C3orf22: variants seen among roughly 807,000 people sequenced by gnomAD.
The protein encoded by C3orf22 is uncharacterized protein C3orf22.
C3orf22 carries 7 observed loss-of-function variants against 10.8 expected under a neutral mutation model. The ratio of observed to expected loss-of-function variants is 0.65; its 90% CI spans 0.37 to 1.22. C3orf22 has a LOEUF of 1.22. C3orf22 is among the 50% of genes most tolerant of loss of function. The pLI is 0.02. For missense variants in C3orf22, 173 were observed against 177.0 expected, an observed-to-expected ratio of 0.98 and a Z score of 0.13; for synonymous variants, 79 against 78.9, an observed-to-expected ratio of 1.00 and a Z score of 0.00.
chr3:126,527,966 C>T (rs565918481), intron 5 of C3orf22: 1 of 152,110 alleles, frequency 6.6e-6, no homozygotes, highest in East Asian at 1.9e-4. Flanking sequence ...GCTGAAACCC[C>T]AAATCCTTTT....
intron 2 of C3orf22, 81 bp from the exon 3 acceptor site, chr3:126,552,203 T>A: frequency 6.3e-7 from 1 of 1,599,284 alleles, no homozygotes; most frequent in East Asian, 2.2e-5. Flanking sequence ...GAACTTTCCA[T>A]CTGCTAGGCA....
intron 4 of C3orf22, among the ~76,000 whole-genome samples, chr3:126,529,778 C>T (rs1008643842): frequency 6.6e-6 from 1 of 152,186 alleles, no homozygotes; most frequent in Non-Finnish European, 1.5e-5. Context: ...ATCCTGTCCC[C>T]CTTCTCTCCC....
chr3:126,553,485 A>C, intron 1 of C3orf22, 55 bp from the exon 2 acceptor site: 1 of 1,155,358 alleles, frequency 8.7e-7, no homozygotes, highest in Non-Finnish European at 1.3e-6. Flanking sequence ...GGCAGAAGGC[A>C]GAGTGATGAG....
chr3:126,546,218 G>A (rs1576241987), downstream of C3orf22, among the ~76,000 whole-genome samples: 1 of 152,210 alleles, frequency 6.6e-6, no homozygotes, highest in East Asian at 1.9e-4. Context: ...GGCTGGGTGT[G>A]CAGGAGTTAG....
At chr3:126,547,394 G>A (rs180901772), downstream of C3orf22, among the ~76,000 whole-genome samples, 11 of 152,196 alleles carry the variant, frequency 7.2e-5, no homozygotes, top group Non-Finnish European at 5.9e-5. Context: ...GGAATAACAT[G>A]CACATAAACC....
rs111508557 is a variant in C3orf22 at position 126,552,895 on chromosome 3, G to A, written c.89+407C>T. On this transcript the variant is annotated intron_variant, in intron 2 of 3. Coordinates refer to ENST00000318225, the MANE Select transcript of C3orf22 (RefSeq NM_152533.3). ...CCGTGGCTCTGTCCTTATGTGAAGT[G>A]CCCTGTGGAGACTTGGCCCAGGCCC... 3.3e-3 allele frequency among the ~76,000 whole-genome samples: 502 copies of A among 152,360 alleles called. 5 individuals carry two copies. The highest frequency in any genetic ancestry group is 0.011 in the African/African-American group (475 of 41,602).
intron 4 of C3orf22, chr3:126,529,464 G>T: frequency 8.9e-7 from 1 of 1,120,032 alleles, no homozygotes; most frequent in African/African-American, 1.6e-5. Flanking sequence ...TGCTGGCACC[G>T]GTGGCCTGGG....
rs1332450977 is a variant in C3orf22, at chr3:126,531,959, G to A, written c.287-2587C>T. On this transcript the variant is annotated intron_variant and NMD_transcript_variant, in intron 4 of 5. Coordinates refer to the C3orf22 transcript ENST00000505070. ...AGGGCTCCAATTTCTCCACATCCTT[G>A]TTATTTACTGTCTTTTTAAATAACC... Among the ~76,000 whole-genome samples the A allele has an allele frequency of 2.0e-5, 3 of 152,174 alleles. 1 individual carries two copies. In the South Asian group the frequency reaches 6.2e-4, roughly 32 times the overall value.
At chr3:126,529,269 C>A (rs1005031421) in exon 5 of C3orf22, 1 of 1,242,648 alleles carries the variant, frequency 8.0e-7, no homozygotes, top group African/African-American at 1.5e-5. Context: ...ATGACGTGTG[C>A]GGGTGTCCTG....
chr3:126,529,153 G>T, exon 5 of C3orf22: 1 of 493,124 alleles, frequency 2.0e-6, no homozygotes, highest in Non-Finnish European at 3.6e-6. Context: ...CGCGAGCCCT[G>T]CTTTGGCTGA....
chr3:126,533,362 C>T (rs776901268), intron 4 of C3orf22, among the ~76,000 whole-genome samples: 2 of 152,120 alleles, frequency 1.3e-5, no homozygotes, highest in African/African-American at 2.4e-5. Context: ...GAGGGTTTTT[C>T]GTTGATGCCC....
At chr3:126,538,323 C>T (rs1873401) in intron 4 of C3orf22, among the ~76,000 whole-genome samples, 18,065 of 152,272 alleles carry the variant, frequency 0.12, 1,775 homozygotes, top group African/African-American at 0.27. Context: ...GCTGCAGACA[C>T]CTCACAGGAG....
intron 4 of C3orf22, among the ~76,000 whole-genome samples, chr3:126,537,862 G>A (rs563929141): frequency 6.6e-6 from 1 of 152,258 alleles, no homozygotes; most frequent in Non-Finnish European, 1.5e-5. Flanking sequence ...CCTGTTTACA[G>A]ACAAGGACAC....
At chr3:126,549,572 G>A (rs1201885307), downstream of C3orf22, 2 of 1,113,048 alleles carry the variant, frequency 1.8e-6, no homozygotes, top group East Asian at 4.2e-5. Context: ...AGTCCTAGAA[G>A]TGACATTCAT....
chr3:126,536,493 T>A (rs1206491746), intron 4 of C3orf22: 1 of 630,668 alleles, frequency 1.6e-6, no homozygotes, highest in Non-Finnish European at 2.8e-6. Flanking sequence ...CCAGGCTTTG[T>A]CAGAGAGCAG....
intron 4 of C3orf22, chr3:126,536,244 G>C (rs1292948211): frequency 1.2e-6 from 2 of 1,605,512 alleles, no homozygotes; most frequent in African/African-American, 2.7e-5. Flanking sequence ...TGATATGGTG[G>C]CGACATCTCT....
At chr3:126,550,124 T>C (rs1937149161) in intron 3 of C3orf22, 46 bp from the exon 4 acceptor site, 4 of 1,604,680 alleles carry the variant, frequency 2.5e-6, no homozygotes, top group Non-Finnish European at 3.4e-6. Flanking sequence ...GGACCCCTGC[T>C]GGCTGCAGCC....
downstream of C3orf22, among the ~76,000 whole-genome samples, chr3:126,544,753 A>G (rs1489706157): frequency 6.6e-6 from 1 of 152,186 alleles, no homozygotes; most frequent in Non-Finnish European, 1.5e-5. Flanking sequence ...GCACCTGGAC[A>G]TGCTGGCAGT....
intron 3 of C3orf22, among the ~76,000 whole-genome samples, chr3:126,550,473 A>G (rs1873392): frequency 1.8e-4 from 27 of 152,212 alleles, no homozygotes; most frequent in Non-Finnish European, 3.5e-4. Context: ...GACTGTGAGG[A>G]CACCCTCTGT....
Sources: allele counts gnomAD v4.1 joint callset (sites outside exome capture counted in the v4.1 genomes callset), GRCh38; gene constraint gnomAD v4.1.1; transcripts MANE v1.5; gene names NCBI Gene and HGNC (gene_info 2026-07-23, HGNC 2026-07-21).